Variants in DST observed in about 807,000 individuals in gnomAD.
The protein encoded by DST is dystonin.
Under a neutral mutation model 875.2 loss-of-function variants are expected in DST, and 253 were observed. The ratio of observed to expected loss-of-function variants is 0.29; its 90% CI spans 0.26 to 0.32. DST has a LOEUF of 0.32. Ranked by LOEUF, DST falls within the 10% of genes least tolerant of loss-of-function variation. The pLI is 1.00. For synonymous variants in DST, 3,124 were observed against 3,197.1 expected, an observed-to-expected ratio of 0.98 and a Z score of 0.77; for missense variants, 8,287 against 9,111.6, an observed-to-expected ratio of 0.91 and a Z score of 3.68.
chr6:56,722,100 A>C (rs1487891573), intron 5 of DST, among the ~76,000 whole-genome samples: 1 of 152,040 alleles, frequency 6.6e-6, no homozygotes, highest in Admixed American at 6.5e-5. Flanking sequence ...ACATATTCTT[A>C]GCTCAGGGAC....
At chr6:56,481,044 T>C (rs980274760) in intron 90 of DST, among the ~76,000 whole-genome samples, 1 of 152,234 alleles carries the variant, frequency 6.6e-6, no homozygotes, top group Non-Finnish European at 1.5e-5. Context: ...ATATAATATA[T>C]AGCATTTCAT....
At chr6:56,471,991 C>T (rs777333314) in intron 94 of DST, 68 bp downstream of exon 94, 53 of 1,505,060 alleles carry the variant, frequency 3.5e-5, no homozygotes, top group Non-Finnish European at 4.7e-5. Flanking sequence ...AAGATTTTGG[C>T]AATGGCAATG....
intron 3 of DST, chr6:56,871,325 G>A (rs985904475): frequency 1.5e-5 from 14 of 916,104 alleles, no homozygotes; most frequent in African/African-American, 8.1e-5. Context: ...GAAAAGCCAC[G>A]AAGTATCTGA....
At chr6:56,784,458 G>C (rs575342346) in intron 4 of DST, among the ~76,000 whole-genome samples, 1 of 152,044 alleles carries the variant, frequency 6.6e-6, no homozygotes, top group African/African-American at 2.4e-5. Flanking sequence ...TTCCCTTCTT[G>C]CTTCATTTCA....
chr6:56,888,488 T>C (rs1405840344), intron 3 of DST, among the ~76,000 whole-genome samples: 2 of 152,180 alleles, frequency 1.3e-5, no homozygotes, highest in Non-Finnish European at 2.9e-5. Flanking sequence ...AAGTAAGGTA[T>C]GAGTTGTACA....
intron 10 of DST, among the ~76,000 whole-genome samples, chr6:56,661,076 CT>C (rs2099038496): frequency 6.6e-6 from 1 of 151,640 alleles, no homozygotes; most frequent in African/African-American, 2.4e-5. Flanking sequence ...CCTCCAGTAC[CT>C]ATATTTTAGT....
chr6:56,875,045 G>A (rs933474130), intron 3 of DST, among the ~76,000 whole-genome samples: 2 of 152,242 alleles, frequency 1.3e-5, no homozygotes, highest in South Asian at 4.1e-4. Flanking sequence ...GTGCAGTGGC[G>A]CGATCTCCGC....
At position 56,594,144 on chromosome 6, in the gene DST, G is replaced by A; in HGVS notation, c.12245C>T (p.Thr4082Ile). 6.3e-7 allele frequency: 1 copy of A among 1,583,248 alleles called. No homozygotes were observed. ...CTCAAGCAACACTTGTGCAGACTGA[G>A]TGGCTATGATCACTGCTTGGTGCTG... Reference protein sequence around the residue: ...ISQHQAVIIATQSAQVLLEKQ... With the variant: ...ISQHQAVIIAIQSAQVLLEKQ... The change falls in exon 48 of 104, where the codon ACT becomes ATT. Residue 4082 changes from threonine (T) to isoleucine (I), a missense_variant. Transcript: ENST00000680361.
Position 56,476,343 on chromosome 6 carries a change from A to G in DST, c.21676-6T>C, listed in dbSNP as rs2152409389. 3 of 1,543,260 alleles carry G rather than the reference A, an allele frequency of 1.9e-6. No individual in the cohort carries two copies. On this transcript the variant is annotated splice_polypyrimidine_tract_variant and splice_region_variant and intron_variant, in intron 91 of 103. Coordinates refer to ENST00000680361, the MANE Select transcript of DST (RefSeq NM_001374736.1). ...TGCTTTGCCCAGGCCAGCACCTGTC[A>G]GAGAAACAGAAATTTCTCTGAATTT...
chr6:56,615,003 T>G, intron 36 of DST: 4 of 995,120 alleles, frequency 4.0e-6, no homozygotes. Context: ...AACATTTTAA[T>G]ATGCAAAGAA....
Position 56,603,913 on chromosome 6 carries a change from C to A in DST, c.10715G>T (p.Cys3572Phe), listed in dbSNP as rs573465214. 3.7e-6 allele frequency: 6 copies of A among 1,611,448 alleles called. No homozygotes were observed. The Admixed American group carries it at 8.4e-5, about 23-fold the overall frequency. ...LPRDEKLKDL[C>F]NDFPSHLECT... Reference sequence around the variant, plus strand: ...TTCCAAATGGCTTGGGAAATCATTACACAGATCCTTGAGCTTCTCATCTCT... The same window carrying A: ...TTCCAAATGGCTTGGGAAATCATTAAACAGATCCTTGAGCTTCTCATCTCT... The change falls in exon 40 of 104, where the codon TGT becomes TTT. Residue 3572 changes from cysteine (C) to phenylalanine (F), a missense_variant. Cys to Phe is a radical substitution (Grantham distance 205, BLOSUM62 -2). Around this residue, in one of 10 missense-constraint regions of DST, gnomAD observed 3,138 missense variants for 3,116.6 expected, o/e 1.01. Transcript: ENST00000680361.
In DST at chr6:56,851,400, C is replaced by A. The variant is rs774306684; in HGVS notation, c.622G>T (p.Ala208Ser). ...CCCCTTCCCCAGATGCTCTTACCTG[C>A]TATCCGAAGCACTGCCCTCTCGGCA... ...DPAERAVLRI[A>S]DERDKVQKKT... Residue 208 changes from alanine (A) to serine (S), a missense_variant, in exon 4 of 104, where the codon GCA (alanine) becomes TCA (serine). By Grantham distance (99) the Ala-to-Ser change is moderately conservative (BLOSUM62 1). Coordinates refer to ENST00000680361, the MANE Select transcript of DST (RefSeq NM_001374736.1). The A allele has an allele frequency of 6.2e-7, 1 of 1,612,754 alleles. No homozygotes were observed. Among genetic ancestry groups the A allele is most frequent in the South Asian group, 1.1e-5 (1 of 91,010 alleles).
chr6:56,884,926 T>C (rs1317207405), intron 3 of DST, among the ~76,000 whole-genome samples: 2 of 152,082 alleles, frequency 1.3e-5, no homozygotes, highest in African/African-American at 4.8e-5. Flanking sequence ...GAGACGGGGT[T>C]TCACCATGTT....
chr6:56,510,407 TA>T (rs1200766089), intron 73 of DST, among the ~76,000 whole-genome samples: 1 of 152,002 alleles, frequency 6.6e-6, no homozygotes, highest in Non-Finnish European at 1.5e-5. Context: ...TGAAAAATGT[TA>T]AAAAAAATTT....
Position 56,608,236 on chromosome 6 carries a change from T to C in DST, c.6392A>G (p.Asp2131Gly), listed in dbSNP as rs2098515165. 6.2e-7 allele frequency: 1 copy of C among 1,613,722 alleles called. No homozygotes were observed. The highest frequency in any genetic ancestry group is 1.3e-5 in the African/African-American group (1 of 75,034). The change falls in exon 40 of 104, where the codon GAC becomes GGC. Residue 2131 changes from aspartate (D) to glycine (G), a missense_variant. By Grantham distance (94) the Asp-to-Gly change is moderately conservative. This residue lies in a region of DST where 3,138 missense variants were observed against 3,116.6 expected (regional missense o/e 1.01). Coordinates refer to ENST00000680361, the MANE Select transcript of DST (RefSeq NM_001374736.1). The part of the protein sequence containing the change: ...LDAAKQLGII[D>G]NNTASILKNI... ...TTTTAAAATTGATGCTGTGTTGTTGTCTATAATTCCTAGCTGTTTAGCAGC... is the reference window on the plus strand; with the variant it reads ...TTTTAAAATTGATGCTGTGTTGTTGCCTATAATTCCTAGCTGTTTAGCAGC...
In DST at chr6:56,515,458, C is replaced by T. The variant is rs754382598; in HGVS notation, c.18568G>A (p.Glu6190Lys). The T allele has an allele frequency of 5.0e-6, 8 of 1,613,732 alleles. No homozygotes were observed. In the South Asian group the frequency reaches 7.7e-5, roughly 16 times the overall value. ...TTTCACACCAGGCTTACCCGATGTTCTTCCTGCTGCTGCCTTAGAGTTTCA... is the reference window on the plus strand; with the variant it reads ...TTTCACACCAGGCTTACCCGATGTTTTTCCTGCTGCTGCCTTAGAGTTTCA... ...EYETLRQQQE[E>K]HRQLRELIAE... is the part of the protein sequence containing the mutation. The change falls in exon 72 of 104, where the codon GAA becomes AAA. Residue 6190 changes from glutamate to lysine, a missense_variant. This residue lies in a region of DST where 1,292 missense variants were observed against 1,552.7 expected (regional missense o/e 0.83). Transcript: ENST00000680361.
chr6:56,790,801 A>G (rs571432973), intron 4 of DST, among the ~76,000 whole-genome samples: 1 of 152,328 alleles, frequency 6.6e-6, no homozygotes, highest in East Asian at 1.9e-4. Context: ...CATAAAACCT[A>G]AAAGTGCCCA....
At chr6:56,783,123 TGAG>T (rs913147028) in intron 4 of DST, among the ~76,000 whole-genome samples, 4 of 152,308 alleles carry the variant, frequency 2.6e-5, no homozygotes, top group African/African-American at 9.6e-5. Context: ...TTACATTTGC[TGAG>T]GAGAGCTTTA....
chr6:56,834,834 C>G (rs923818009), intron 4 of DST, among the ~76,000 whole-genome samples: 1 of 152,168 alleles, frequency 6.6e-6, no homozygotes, highest in Non-Finnish European at 1.5e-5. Flanking sequence ...ACCATACAAT[C>G]TAGCAATCAT....
Sources: gnomAD v4.1 joint callset for allele counts (sites outside exome capture counted in the v4.1 genomes callset) on GRCh38, gnomAD v4.1.1 for gene constraint, gnomAD v4.1.1 regional missense constraint, MANE v1.5 for transcripts, NCBI Gene and HGNC (gene_info 2026-07-23, HGNC 2026-07-21) for gene names.